The following RYR1 variants were observed in gnomAD, a reference collection of about 807,000 sequenced individuals.
RYR1 encodes central core disease of muscle.
A neutral mutation model predicts 583.5 loss-of-function variants in RYR1; 342 were observed. That is an observed-to-expected ratio of 0.59 (90% CI 0.54 to 0.64). RYR1 has a LOEUF of 0.64. Ranked by LOEUF, RYR1 falls within the 30% of genes least tolerant of loss-of-function variation. The pLI is 0.00. For synonymous variants in RYR1, 2,791 were observed against 2,822.5 expected (o/e 0.99, Z 0.35); for missense variants, 6,032 against 6,917.2 (o/e 0.87, Z 4.54).
chr19:38,502,684 G>A lies in RYR1; in HGVS notation c.7792G>A (p.Ala2598Thr), dbSNP rs760745613. 6.2e-7 allele frequency: 1 copy of A among 1,608,942 alleles called. No homozygotes were observed. Among genetic ancestry groups the A allele is most frequent in the Non-Finnish European group, 8.5e-7 (1 of 1,179,642 alleles). Residue 2598 changes from alanine to threonine, a missense_variant, in exon 48 of 106, where the codon GCG becomes ACG. Transcript: ENST00000359596. ...GTCTCGGGGTCGTTCGCTCACCAAG[G>A]CGCAGCGTGACGTCATCGAGGACTG... ...RLSRGRSLTK[A>T]QRDVIEDCLM...
chr19:38,451,017 G>T (rs1171881915), intron 11 of RYR1, among the ~76,000 whole-genome samples: 1 of 152,192 alleles, frequency 6.6e-6, no homozygotes, highest in Non-Finnish European at 1.5e-5. Context: ...TCTTGTATCA[G>T]TGCCATCAAC....
At position 38,478,522 on chromosome 19, in the gene RYR1, C is replaced by T; in HGVS notation, c.4542C>T (p.Val1514=). The T allele has an allele frequency of 6.2e-7, 1 of 1,614,156 alleles. No homozygotes were observed. The highest frequency in any genetic ancestry group is 8.5e-7 in the Non-Finnish European group (1 of 1,180,034). The change falls in exon 31 of 106, where the codon GTC becomes GTT. Residue 1514 remains valine, a synonymous_variant. Transcript: ENST00000359596. The part of the protein sequence containing the change: ...QQGRISHTDL[V]IGCLVDLATG... ...GCCGGATCAGCCACACGGACCTTGT[C>T]ATTGGGTGCCTGGTGGACTTGGCCA...
chr19:38,455,610 T>C, intron 15 of RYR1, 23 bp from the exon 16 acceptor site: 1 of 1,610,620 alleles, frequency 6.2e-7, no homozygotes, highest in Non-Finnish European at 8.5e-7. Context: ...CCGCTTCACC[T>C]CTCATTCTGG....
intron 90 of RYR1, among the ~76,000 whole-genome samples, chr19:38,563,727 C>T (rs889046190): frequency 6.6e-6 from 1 of 152,238 alleles, no homozygotes; most frequent in East Asian, 1.9e-4. Flanking sequence ...CCCAGCTACT[C>T]AGTGGCAGAA....
chr19:38,524,210 A>AT (rs1192841810), intron 70 of RYR1, among the ~76,000 whole-genome samples: 1 of 149,214 alleles, frequency 6.7e-6, no homozygotes, highest in Non-Finnish European at 1.5e-5. Flanking sequence ...AAAAGAAAAA[A>AT]AGAGCAACTC....
Position 38,583,565 on chromosome 19 carries a change from G to A in RYR1, c.14647-1378G>A, listed in dbSNP as rs75371250. Among the ~76,000 whole-genome samples, 627 of 151,642 alleles carry A rather than the reference G, an allele frequency of 4.1e-3. 9 individuals carry two copies. Among genetic ancestry groups the A allele is most frequent in the African/African-American group, 0.015 (607 of 41,312 alleles). On this transcript the variant is annotated intron_variant, in intron 101 of 105. Transcript: ENST00000359596. ...CACCCCCACTCAGACCCTTCTTGTG[G>A]CTCCCCAGCCCACTGTAGATAAAGT... is the stretch of plus-strand genomic sequence containing the variant.
rs751301822 is a variant in RYR1 at position 38,505,870 on chromosome 19, C to T, written c.8465C>T (p.Thr2822Met). The T allele has an allele frequency of 6.2e-6, 10 of 1,613,462 alleles. No individual in the cohort carries two copies. The highest frequency in any genetic ancestry group is 5.0e-5 in the Admixed American group (3 of 59,910). ...AAGGCCATGATTGCCTGGGAATGGACGATAGAGAAGGCCAGGGAGGGTGAG... is the reference window on the plus strand; with the variant it reads ...AAGGCCATGATTGCCTGGGAATGGATGATAGAGAAGGCCAGGGAGGGTGAG... ...SLKAMIAWEW[T>M]IEKAREGEEE... Residue 2822 changes from threonine to methionine, a missense_variant, in exon 54 of 106, where the codon ACG becomes ATG. Physicochemically the swap from Thr to Met is moderately conservative, Grantham distance 81 (BLOSUM62 -1). This residue lies in a region of RYR1 where 1,493 missense variants were observed against 1,715.5 expected (regional missense o/e 0.87). Coordinates refer to ENST00000359596, the MANE Select transcript of RYR1 (RefSeq NM_000540.3).
rs1317313742 is a variant in RYR1, at chr19:38,519,476, C to T, written c.10259+22C>T. 5 of 1,578,088 alleles carry T rather than the reference C, an allele frequency of 3.2e-6. No individual in the cohort carries two copies. The African/African-American group carries it at 5.4e-5, about 17-fold the overall frequency. ...ACAGGTCAGCGGGGCCCCGCTGTCC[C>T]CATGCCCTCCGCCCCGACCTCCCAC... is the stretch of plus-strand genomic sequence containing the variant. On this transcript the variant is annotated intron_variant, in intron 67 of 105. Transcript: ENST00000359596.
chr19:38,485,243 AG>A (rs1475100071), intron 33 of RYR1, among the ~76,000 whole-genome samples: 1 of 152,064 alleles, frequency 6.6e-6, no homozygotes, highest in Non-Finnish European at 1.5e-5. Context: ...GGGACCCCAG[AG>A]GTATCCCAGG....
chr19:38,444,111 T>G lies in RYR1; in HGVS notation c.425-38T>G, dbSNP rs372715966. ...TGGGGAAGAGCATTCTGGGAAGCCA[T>G]CATCTGACAGCCACCCCCATTCCAT... On this transcript the variant is annotated intron_variant, in intron 5 of 105. Coordinates refer to ENST00000359596, the MANE Select transcript of RYR1 (RefSeq NM_000540.3). This position sits in a 1 kb window ranked among gnomAD's most constrained non-coding sequence, Gnocchi z 5.1. The G allele has an allele frequency of 6.4e-7, 1 of 1,554,628 alleles. No homozygotes were observed. Among genetic ancestry groups the G allele is most frequent in the African/African-American group, 1.4e-5 (1 of 73,618 alleles).
At chr19:38,542,490 C>T (rs920319557) in intron 84 of RYR1, among the ~76,000 whole-genome samples, 6 of 151,884 alleles carry the variant, frequency 4.0e-5, no homozygotes, top group Admixed American at 3.3e-4. Context: ...CATAGCAGGC[C>T]CTCAATAATA....
rs138593495 is a variant in RYR1, at chr19:38,536,758, C to T, written c.11599C>T (p.Arg3867Cys). Residue 3867 changes from arginine to cysteine, a missense_variant, in exon 83 of 106, where the codon CGC becomes TGC. Arg to Cys is a radical substitution (Grantham distance 180). This residue lies in a region of RYR1 where 1,493 missense variants were observed against 1,715.5 expected (regional missense o/e 0.87). Coordinates refer to ENST00000359596, the MANE Select transcript of RYR1 (RefSeq NM_000540.3). Reference protein sequence around the residue: ...MVNEDGTVINRQNGEKVMADD... With the variant: ...MVNEDGTVINCQNGEKVMADD... Reference sequence around the variant, plus strand: ...CCTGTTGGCTGCCCCAGTCATCAATCGCCAGAACGGTAATTCCCCCAGCCC... The same window carrying T: ...CCTGTTGGCTGCCCCAGTCATCAATTGCCAGAACGGTAATTCCCCCAGCCC... 1.4e-4 allele frequency: 234 copies of T among 1,613,800 alleles called. No individual in the cohort carries two copies. The highest frequency in any genetic ancestry group is 1.7e-4 in the Non-Finnish European group (199 of 1,179,964).
Position 38,448,412 on chromosome 19 carries a change from C to T in RYR1, c.858C>T (p.Thr286=), listed in dbSNP as rs371674175. 29 of 1,613,124 alleles carry T rather than the reference C, an allele frequency of 1.8e-5. No homozygotes were observed. The highest frequency in any genetic ancestry group is 2.7e-5 in the African/African-American group (2 of 75,058). Residue 286 remains threonine, a synonymous_variant, in exon 10 of 106, where the codon ACC becomes ACT. Transcript: ENST00000359596. ...GQPLRVRHVT[T]GQYLALTEDQ... Reference sequence around the variant, plus strand: ...CACTCCGAGTCCGGCATGTCACTACCGGGCAGTACCTAGCGCTCACCGAGG... The same window carrying T: ...CACTCCGAGTCCGGCATGTCACTACTGGGCAGTACCTAGCGCTCACCGAGG...
rs1568452917 is a variant in RYR1, at chr19:38,459,169, TC to T, written c.2195del (p.Pro732GlnfsTer11). 2 of 1,613,726 alleles carry T rather than the reference TC, an allele frequency of 1.2e-6. No homozygotes were observed. The highest frequency in any genetic ancestry group is 1.7e-6 in the Non-Finnish European group (2 of 1,180,022). On this transcript the variant is annotated frameshift_variant, in exon 19 of 106. Transcript: ENST00000359596. LOFTEE classifies it high-confidence loss of function. ...WTGHVARPVT[S>X]PGQHLLAPED... ...AGGACACGTGGCACGCCCAGTGACT[TC>T]CCCAGGGCAGCACCTCCTGGCCCCT...
intron 81 of RYR1, 181 bp downstream of exon 81, chr19:38,535,573 T>G: frequency 1.5e-6 from 1 of 667,158 alleles, no homozygotes; most frequent in Non-Finnish European, 2.7e-6. Context: ...GGAGGCAAAA[T>G]GTCATAGACT....
At chr19:38,581,319 C>T (rs139758956) in intron 101 of RYR1, among the ~76,000 whole-genome samples, 12 of 152,196 alleles carry the variant, frequency 7.9e-5, no homozygotes, top group East Asian at 1.9e-4. Context: ...CCTGGTGATC[C>T]GCCCGCCTGG....
intron 48 of RYR1, 53 bp downstream of exon 48, chr19:38,502,780 C>T (rs1168570622): frequency 4.9e-5 from 33 of 666,956 alleles, no homozygotes; most frequent in Admixed American, 4.3e-4. Flanking sequence ...GGGGCAGGGG[C>T]AGGGGCAGGG....
Position 38,512,087 on chromosome 19 carries a change from C to A in RYR1, c.9188C>A (p.Ala3063Asp), listed in dbSNP as rs1383058046. 1 of 1,614,090 alleles carries A rather than the reference C, an allele frequency of 6.2e-7. No homozygotes were observed. Among genetic ancestry groups the A allele is most frequent in the Non-Finnish European group, 8.5e-7 (1 of 1,180,032 alleles). The part of the protein sequence containing the change: ...RVSLFGTDAP[A>D]VVNCLHILAR... Reference sequence around the variant, plus strand: ...CCTCTCCCAGGGACAGACGCCCCAGCTGTGGTCAACTGTCTTCACATCCTG... The same window carrying A: ...CCTCTCCCAGGGACAGACGCCCCAGATGTGGTCAACTGTCTTCACATCCTG... Residue 3063 changes from alanine (A) to aspartate (D), a missense_variant, in exon 62 of 106, where the codon GCT (alanine) becomes GAT (aspartate). Around this residue, in one of 11 missense-constraint regions of RYR1, gnomAD observed 1,493 missense variants for 1,715.5 expected, o/e 0.87. Transcript: ENST00000359596. The surrounding 1 kb of genome is among the most constrained non-coding windows in gnomAD (Gnocchi z 5.1).
intron 24 of RYR1, among the ~76,000 whole-genome samples, chr19:38,467,356 G>T (rs985285134): frequency 5.3e-5 from 8 of 152,064 alleles, no homozygotes; most frequent in Admixed American, 3.9e-4. Flanking sequence ...TTTTCCTTCT[G>T]TGTCTCTGCC....
Sources: gnomAD v4.1 joint callset for allele counts (sites outside exome capture counted in the v4.1 genomes callset) on GRCh38, gnomAD v4.1.1 for gene constraint, gnomAD v4.1.1 regional missense constraint, Gnocchi (gnomAD v3.1) non-coding constraint, MANE v1.5 for transcripts, NCBI Gene and HGNC (gene_info 2026-07-23, HGNC 2026-07-21) for gene names.